Variants in LIX1 observed in about 807,000 individuals in gnomAD.
The protein encoded by LIX1 is limb and CNS expressed 1, also known as protein limb expression 1 homolog.
LIX1 carries 24 observed loss-of-function variants against 33.4 expected under a neutral mutation model. That is an observed-to-expected ratio of 0.72 (90% confidence interval 0.52 to 1.01). The LOEUF is 1.01. Ranked by LOEUF, LIX1 falls within the 50% of genes least tolerant of loss-of-function variation. The probability of loss-of-function intolerance (pLI) is 0.00; values close to 1 mark genes in which losing one functional copy is unlikely to be tolerated. For synonymous variants in LIX1, 124 were observed against 124.0 expected, an observed-to-expected ratio of 1.00 and a Z score of 0.00; for missense variants, 311 against 339.2, an observed-to-expected ratio of 0.92 and a Z score of 0.65.
At chr5:97,123,610 T>C (rs1747839453) in intron 2 of LIX1, among the ~76,000 whole-genome samples, 1 of 152,202 alleles carries the variant, frequency 6.6e-6, no homozygotes, top group Non-Finnish European at 1.5e-5. Context: ...ACCCGAGTAA[T>C]CTTTCTGAAG....
intron 2 of LIX1, among the ~76,000 whole-genome samples, chr5:97,119,362 C>T (rs1295912027): frequency 6.6e-6 from 1 of 152,172 alleles, no homozygotes; most frequent in African/African-American, 2.4e-5. Flanking sequence ...CAACTGCTGG[C>T]AAAAACATGA....
chr5:97,106,003 T>C (rs1368925771), intron 3 of LIX1, among the ~76,000 whole-genome samples: 2 of 152,262 alleles, frequency 1.3e-5, no homozygotes, highest in Non-Finnish European at 2.9e-5. Flanking sequence ...CCAGCACAGA[T>C]AGCAGCAAAT....
chr5:97,113,462 T>C (rs1747516211), intron 2 of LIX1, among the ~76,000 whole-genome samples: 1 of 152,250 alleles, frequency 6.6e-6, no homozygotes, highest in Non-Finnish European at 1.5e-5. Context: ...TTGCTGGCAC[T>C]ATGTGCTTGG....
At chr5:97,137,980 A>G (rs1250832850) in intron 1 of LIX1, among the ~76,000 whole-genome samples, 1 of 152,198 alleles carries the variant, frequency 6.6e-6, no homozygotes, top group Non-Finnish European at 1.5e-5. Context: ...TGTTTTTAAT[A>G]GCCCTGTAGT....
chr5:97,130,464 C>T (rs2112794690), intron 1 of LIX1, among the ~76,000 whole-genome samples: 1 of 152,346 alleles, frequency 6.6e-6, no homozygotes, highest in South Asian at 2.1e-4. Flanking sequence ...CGAATCTAGA[C>T]ACCGGACACA....
intron 2 of LIX1, among the ~76,000 whole-genome samples, chr5:97,121,389 T>C (rs769344673): frequency 2.6e-5 from 4 of 152,150 alleles, no homozygotes; most frequent in Non-Finnish European, 5.9e-5. Flanking sequence ...TTCCTTTGTC[T>C]CTTTCTAGAG....
At chr5:97,114,652 TATA>T (rs963206951) in intron 2 of LIX1, among the ~76,000 whole-genome samples, 16 of 152,302 alleles carry the variant, frequency 1.1e-4, no homozygotes, top group Admixed American at 2.6e-4. Context: ...GGGGTCTGCA[TATA>T]ATAAGATTTG....
rs1157361761 is a variant in LIX1 at position 97,093,019 on chromosome 5, A to G, written c.*1729T>C. 6.6e-6 allele frequency: 1 copy of G among 152,332 alleles called. No homozygotes were observed. The highest frequency in any genetic ancestry group is 1.5e-5 in the Non-Finnish European group (1 of 68,040). The allele number at this position is 152,332 out of a possible 1,614,324, so 9.4% of individuals were successfully genotyped here. A position where few individuals can be genotyped will look rare whatever the true frequency, so the allele number is the denominator to read the frequency against. ...TGTGGAGAGGAATGTAACTTTTGTTAAAATAATATTTTAAAATAAAATGTG... is the reference window on the plus strand; with the variant it reads ...TGTGGAGAGGAATGTAACTTTTGTTGAAATAATATTTTAAAATAAAATGTG... On this transcript the variant is annotated 3_prime_UTR_variant, in exon 6 of 6. Transcript: ENST00000274382.
chr5:97,119,659 G>A (rs974207433), intron 2 of LIX1, among the ~76,000 whole-genome samples: 10 of 152,068 alleles, frequency 6.6e-5, no homozygotes, highest in African/African-American at 2.4e-4. Context: ...ATAAAGAAAA[G>A]GGGACCCTAA....
At chr5:97,112,407 G>A (rs768593658) in intron 2 of LIX1, among the ~76,000 whole-genome samples, 3 of 152,192 alleles carry the variant, frequency 2.0e-5, no homozygotes, top group African/African-American at 4.8e-5. Context: ...GTTGGGGAGC[G>A]AGTGAAGTAT....
intron 1 of LIX1, among the ~76,000 whole-genome samples, chr5:97,126,678 C>T (rs539136416): frequency 9.1e-5 from 12 of 131,868 alleles, no homozygotes; most frequent in Admixed American, 2.5e-4. Context: ...CTTGCTCAAT[C>T]GCCCAGGCTG....
chr5:97,134,196 T>A (rs1362115259), intron 1 of LIX1, among the ~76,000 whole-genome samples: 1 of 152,244 alleles, frequency 6.6e-6, no homozygotes, highest in African/African-American at 2.4e-5. Flanking sequence ...CTCAGCTCAC[T>A]GCAGCCTCCA....
At chr5:97,140,916 G>C (rs978045508) in intron 1 of LIX1, among the ~76,000 whole-genome samples, 3 of 152,144 alleles carry the variant, frequency 2.0e-5, no homozygotes, top group African/African-American at 7.2e-5. Flanking sequence ...TATAAAACAG[G>C]ACACTTATTT....
chr5:97,102,866 A>C (rs372574130), intron 4 of LIX1, among the ~76,000 whole-genome samples: 5 of 152,260 alleles, frequency 3.3e-5, no homozygotes, highest in East Asian at 3.9e-4. Flanking sequence ...GGCAATGTTC[A>C]TTCCATAATA....
intron 1 of LIX1, among the ~76,000 whole-genome samples, chr5:97,135,161 T>G (rs541667110): frequency 1.3e-5 from 2 of 152,340 alleles, no homozygotes; most frequent in Middle Eastern, 6.8e-3. Flanking sequence ...ATCATACTTT[T>G]TTGCTTAATT....
At chr5:97,141,597 T>C (rs1299441175) in intron 1 of LIX1, among the ~76,000 whole-genome samples, 3 of 130,628 alleles carry the variant, frequency 2.3e-5, no homozygotes, top group Admixed American at 1.7e-4. Flanking sequence ...AAACCATTGA[T>C]GTTTTGATGG....
intron 2 of LIX1, among the ~76,000 whole-genome samples, chr5:97,112,316 G>T (rs1747441785): frequency 2.0e-5 from 3 of 152,172 alleles, no homozygotes; most frequent in African/African-American, 7.2e-5. Flanking sequence ...ATCAAACAGT[G>T]GGAAACACTG....
chr5:97,110,812 G>C (rs1406440750), intron 2 of LIX1, among the ~76,000 whole-genome samples: 1 of 152,064 alleles, frequency 6.6e-6, no homozygotes, highest in Non-Finnish European at 1.5e-5. Context: ...AGTGTGGAAA[G>C]TAGTTTTTTT....
chr5:97,121,405 A>G (rs1747782336), intron 2 of LIX1, among the ~76,000 whole-genome samples: 2 of 151,994 alleles, frequency 1.3e-5, no homozygotes, highest in Admixed American at 6.6e-5. Flanking sequence ...TAGAGCTCTT[A>G]CTAAATTGAT....
Sources: allele counts gnomAD v4.1 joint callset (sites outside exome capture counted in the v4.1 genomes callset), GRCh38; gene constraint gnomAD v4.1.1; transcripts MANE v1.5; gene names NCBI Gene and HGNC (gene_info 2026-07-23, HGNC 2026-07-21).